NCKAP1: variants seen among roughly 807,000 people sequenced by gnomAD.
NCKAP1 encodes NCK associated protein 1.
NCKAP1 carries 21 observed loss-of-function variants against 151.2 expected under a neutral mutation model. The observed-to-expected ratio is 0.14, with a 90% CI of 0.10 to 0.20. The LOEUF (loss-of-function observed/expected upper bound fraction) is 0.20, where lower values mean the gene tolerates loss of function less well. Ranked by LOEUF, NCKAP1 falls within the 10% of genes least tolerant of loss-of-function variation. The pLI, the probability that NCKAP1 is intolerant of heterozygous loss-of-function variation, is 1.00. For missense variants in NCKAP1, 933 were observed against 1,352.1 expected, an observed-to-expected ratio of 0.69 and a Z score of 4.86; for synonymous variants, 484 against 451.8, an observed-to-expected ratio of 1.07 and a Z score of -0.90.
chr2:183,011,938 G>A (rs957617319), intron 2 of NCKAP1, among the ~76,000 whole-genome samples: 2 of 152,160 alleles, frequency 1.3e-5, no homozygotes, highest in African/African-American at 4.8e-5. Flanking sequence ...GAAAAACTAT[G>A]AATAATGTAC....
At chr2:183,015,073 T>C (rs1013847752) in intron 2 of NCKAP1, among the ~76,000 whole-genome samples, 15 of 152,254 alleles carry the variant, frequency 9.9e-5, no homozygotes, top group African/African-American at 3.1e-4. Flanking sequence ...GTAATGCTCA[T>C]TGGCAGCCTC....
intron 20 of NCKAP1, among the ~76,000 whole-genome samples, chr2:182,953,695 G>A (rs1032955335): frequency 6.6e-6 from 1 of 152,066 alleles, no homozygotes; most frequent in African/African-American, 2.4e-5. Context: ...CTACTTGGGA[G>A]GTTGAGACAG....
intron 2 of NCKAP1, among the ~76,000 whole-genome samples, chr2:183,014,211 A>T (rs1189089878): frequency 6.6e-6 from 1 of 152,216 alleles, no homozygotes; most frequent in Non-Finnish European, 1.5e-5. Context: ...TCAATAAAGG[A>T]TTTAAATAAA....
At chr2:183,023,953 C>A (rs1698842337) in intron 1 of NCKAP1, 37 bp from the exon 2 acceptor site, 1 of 1,375,118 alleles carries the variant, frequency 7.3e-7, no homozygotes, top group Non-Finnish European at 1.0e-6. Flanking sequence ...GTGAAATGCA[C>A]CCTTCTTCTA....
chr2:182,953,950 TG>T (rs2105823851), intron 20 of NCKAP1, among the ~76,000 whole-genome samples: 1 of 152,318 alleles, frequency 6.6e-6, no homozygotes, highest in Non-Finnish European at 1.5e-5. Context: ...GCAAGGACAG[TG>T]AACTATTTAG....
rs1315457218 is a variant in NCKAP1, at chr2:182,915,195, C to T, written c.*10507G>A. 6.6e-6 allele frequency: 1 copy of T among 152,234 alleles called. No homozygotes were observed. Among genetic ancestry groups the T allele is most frequent in the African/African-American group, 2.4e-5 (1 of 41,468 alleles). 9.4% of individuals were successfully genotyped at this position (152,234 alleles called of 1,614,324 possible). A position where few individuals can be genotyped will look rare whatever the true frequency, so the allele number is the denominator to read the frequency against. ...AAGCAGATTTCTAGACTAGGCTTCACATAGGGTGGCTTGCAGCATTTAGAA... is the reference window on the plus strand; with the variant it reads ...AAGCAGATTTCTAGACTAGGCTTCATATAGGGTGGCTTGCAGCATTTAGAA... On this transcript the variant is annotated 3_prime_UTR_variant, in exon 31 of 31. Transcript: ENST00000361354.
At position 182,924,310 on chromosome 2, in the gene NCKAP1, A is replaced by G. The variant is rs1376517441; in HGVS notation, c.*1392T>C. ...AAAACATTATAACTGAGTTCACAGC[A>G]GCCTTCTTTTATCTTAACACAAGTT... On this transcript the variant is annotated 3_prime_UTR_variant, in exon 31 of 31. Transcript: ENST00000361354. 2.0e-5 allele frequency: 3 copies of G among 152,212 alleles called. No homozygotes were observed. Among genetic ancestry groups the G allele is most frequent in the African/African-American group, 7.2e-5 (3 of 41,460 alleles). The allele number at this position is 152,212 out of a possible 1,614,324, so 9.4% of individuals were successfully genotyped here.
At chr2:183,033,568 C>A (rs189519332) in intron 1 of NCKAP1, among the ~76,000 whole-genome samples, 395 of 152,308 alleles carry the variant, frequency 2.6e-3, no homozygotes, top group Non-Finnish European at 3.4e-3. Flanking sequence ...CTATTTCCCT[C>A]ATGCCAGGGA....
rs894577341 is a variant in NCKAP1 at position 183,032,069 on chromosome 2, T to A, written c.108+5923A>T. 1.1e-4 allele frequency among the ~76,000 whole-genome samples: 17 copies of A among 152,324 alleles called. No individual in the cohort carries two copies. The South Asian group carries it at 2.3e-3, about 20-fold the overall frequency. On this transcript the variant is annotated intron_variant, in intron 1 of 30. Coordinates refer to ENST00000361354, the MANE Select transcript of NCKAP1 (RefSeq NM_013436.5). ...AACAATTTCAGGGATTTTTTTCTGT[T>A]CAAGTTAAGTTTGGGTCAGGATCCA...
chr2:182,978,010 C>T (rs1244298862), intron 14 of NCKAP1, among the ~76,000 whole-genome samples: 1 of 152,082 alleles, frequency 6.6e-6, no homozygotes, highest in Non-Finnish European at 1.5e-5. Flanking sequence ...TCTTAGTGTG[C>T]TTACATGTCA....
At chr2:182,994,348 G>A (rs1698224719) in intron 8 of NCKAP1, among the ~76,000 whole-genome samples, 1 of 151,980 alleles carries the variant, frequency 6.6e-6, no homozygotes, top group Non-Finnish European at 1.5e-5. Context: ...CTTTAAAATA[G>A]ACTACCTGGC....
chr2:183,015,275 T>C (rs184442413), intron 2 of NCKAP1, among the ~76,000 whole-genome samples: 2 of 152,170 alleles, frequency 1.3e-5, no homozygotes, highest in East Asian at 3.9e-4. Context: ...CTTGAGAATA[T>C]GAAAAAAAGC....
chr2:182,935,613 T>G, intron 24 of NCKAP1: 1 of 258,598 alleles, frequency 3.9e-6, no homozygotes. Context: ...ATTGTGCTCT[T>G]TCATATGAGT....
At chr2:182,986,803 TAAAA>T (rs1159936865) in intron 9 of NCKAP1, among the ~76,000 whole-genome samples, 1 of 151,984 alleles carries the variant, frequency 6.6e-6, no homozygotes, top group Non-Finnish European at 1.5e-5. Flanking sequence ...ATTTTTCAAA[TAAAA>T]AAACATTTAA....
intron 8 of NCKAP1, among the ~76,000 whole-genome samples, chr2:182,991,759 G>A (rs971343326): frequency 3.3e-5 from 5 of 151,862 alleles, no homozygotes; most frequent in African/African-American, 1.2e-4. Context: ...GATAAAATTG[G>A]ACTATCAATA....
chr2:183,002,975 A>G lies in NCKAP1; in HGVS notation c.368T>C (p.Ile123Thr). 6.2e-7 allele frequency: 1 copy of G among 1,604,898 alleles called. No homozygotes were observed. Among genetic ancestry groups the G allele is most frequent in the Non-Finnish European group, 8.5e-7 (1 of 1,173,390 alleles). ...TIDVCQVFFD[I>T]TVNFDLTKNY... ...CATTTTTCTGAAAATGATACTTACA[A>G]TATCAAAGAAGACTTGGCAAACGTC... The change falls in exon 4 of 31, where the codon ATT becomes ACT. Residue 123 changes from isoleucine to threonine, a missense_variant and splice_region_variant. Coordinates refer to ENST00000361354, the MANE Select transcript of NCKAP1 (RefSeq NM_013436.5).
chr2:182,984,420 T>TGG (rs3221120), intron 10 of NCKAP1, among the ~76,000 whole-genome samples: 5 of 41,880 alleles, frequency 1.2e-4, no homozygotes, highest in African/African-American at 2.8e-4. Context: ...GAATTTAGAT[T>TGG]GGGGTGTGTG....
At chr2:182,930,611 A>C in intron 27 of NCKAP1, 84 bp downstream of exon 27, 1 of 1,035,282 alleles carries the variant, frequency 9.7e-7, no homozygotes, top group East Asian at 2.5e-5. Context: ...AGGCATTTGA[A>C]TATATGGTTA....
intron 15 of NCKAP1, among the ~76,000 whole-genome samples, chr2:182,968,523 A>C (rs1697621806): frequency 6.6e-6 from 1 of 152,126 alleles, no homozygotes; most frequent in Non-Finnish European, 1.5e-5. Context: ...AATTTGAGGG[A>C]TGAGGTAATG....
Sources: allele counts gnomAD v4.1 joint callset (sites outside exome capture counted in the v4.1 genomes callset), GRCh38; gene constraint gnomAD v4.1.1; transcripts MANE v1.5; gene names NCBI Gene and HGNC (gene_info 2026-07-23, HGNC 2026-07-21).